The following ELAVL4 variants were observed in gnomAD, a reference collection of about 807,000 sequenced individuals.
ELAVL4 encodes the protein ELAV like RNA binding protein 4.
Under a neutral mutation model 35.6 loss-of-function variants are expected in ELAVL4, and 1 was observed. The ratio of observed to expected loss-of-function variants is 0.03; its 90% CI spans 0.01 to 0.13. ELAVL4 has a LOEUF of 0.13. Among genes scored for constraint, ELAVL4 ranks in the 10% least tolerant of loss-of-function variants. The probability of loss-of-function intolerance (pLI) is 1.00; values close to 1 mark genes in which losing one functional copy is unlikely to be tolerated. For synonymous variants in ELAVL4, 156 were observed against 171.0 expected (o/e 0.91, Z 0.69); for missense variants, 267 against 464.9 (o/e 0.57, Z 3.91).
At chr1:50,146,561 C>T (rs983164571) in intron 2 of ELAVL4, among the ~76,000 whole-genome samples, 1 of 151,850 alleles carries the variant, frequency 6.6e-6, no homozygotes, top group African/African-American at 2.4e-5. Flanking sequence ...GTGGCCAGAA[C>T]AGAAAAAAAA....
At chr1:50,089,894 C>T (rs748591722) in intron 1 of ELAVL4, among the ~76,000 whole-genome samples, 4 of 152,168 alleles carry the variant, frequency 2.6e-5, no homozygotes, top group South Asian at 2.1e-4. Context: ...GGAATACAGA[C>T]GGTTCCTAGG....
chr1:50,080,675 C>G (rs1026639213), intron 1 of ELAVL4, among the ~76,000 whole-genome samples: 9 of 152,120 alleles, frequency 5.9e-5, no homozygotes, highest in African/African-American at 2.2e-4. Flanking sequence ...TTGGGCATGT[C>G]GTTTCCTTTC....
intron 1 of ELAVL4, among the ~76,000 whole-genome samples, chr1:50,086,476 T>TTATATATATA (rs35215248): frequency 7.7e-4 from 111 of 144,402 alleles, no homozygotes; most frequent in East Asian, 5.4e-3. Flanking sequence ...CATTCAGCTT[T>TTATATATATA]TATATATATA....
intron 2 of ELAVL4, among the ~76,000 whole-genome samples, chr1:50,149,493 AG>A (rs1335591214): frequency 6.6e-6 from 1 of 151,930 alleles, no homozygotes; most frequent in African/African-American, 2.4e-5. Flanking sequence ...GATAAAAAAA[AG>A]AATTGTATTT....
intron 1 of ELAVL4, among the ~76,000 whole-genome samples, chr1:50,090,304 T>G (rs1665432204): frequency 6.6e-6 from 1 of 152,162 alleles, no homozygotes; most frequent in African/African-American, 2.4e-5. Flanking sequence ...CCTACCCCCT[T>G]CCTCTGCATT....
intron 2 of ELAVL4, among the ~76,000 whole-genome samples, chr1:50,176,138 T>G (rs1177847228): frequency 6.6e-6 from 1 of 152,238 alleles, no homozygotes; most frequent in South Asian, 2.1e-4. Context: ...AGCACATTAT[T>G]TTTATTTCAC....
upstream of ELAVL4, chr1:50,108,915 G>A (rs1666599779): frequency 9.1e-7 from 1 of 1,100,694 alleles, no homozygotes; most frequent in Non-Finnish European, 1.1e-6. Context: ...AAAAGGGGAA[G>A]CTTCGAGCCA....
chr1:50,130,057 G>A (rs913823947), intron 1 of ELAVL4, among the ~76,000 whole-genome samples: 1 of 152,064 alleles, frequency 6.6e-6, no homozygotes, highest in Non-Finnish European at 1.5e-5. Flanking sequence ...AACCCAAGTC[G>A]GATCACCTCC....
chr1:50,194,746 G>C (rs1643919427), intron 4 of ELAVL4, among the ~76,000 whole-genome samples: 1 of 152,182 alleles, frequency 6.6e-6, no homozygotes, highest in South Asian at 2.1e-4. Context: ...TCAGGAGAAG[G>C]TGTGCCATGC....
At chr1:50,090,784 C>T (rs146468461) in intron 1 of ELAVL4, among the ~76,000 whole-genome samples, 10 of 152,298 alleles carry the variant, frequency 6.6e-5, no homozygotes, top group Middle Eastern at 3.4e-3. Context: ...TGCATCACTT[C>T]CACCCACATT....
chr1:50,060,018 G>A (rs1254070296), intron 1 of ELAVL4, among the ~76,000 whole-genome samples: 5 of 152,090 alleles, frequency 3.3e-5, no homozygotes, highest in African/African-American at 1.2e-4. Flanking sequence ...ACTTGATAGA[G>A]GTCATGATTG....
intron 3 of ELAVL4, among the ~76,000 whole-genome samples, chr1:50,192,739 T>C (rs1682861160): frequency 6.6e-6 from 1 of 152,198 alleles, no homozygotes; most frequent in Non-Finnish European, 1.5e-5. Context: ...GAAATAGCTT[T>C]AGCAGGAAAG....
chr1:50,180,855 T>C (rs1029501411), intron 3 of ELAVL4: 2 of 152,158 alleles, frequency 1.3e-5, no homozygotes, highest in African/African-American at 4.8e-5. Context: ...GAGCTTGAAA[T>C]AATAATAATA....
chr1:50,142,352 A>T (rs1019916450), intron 1 of ELAVL4, among the ~76,000 whole-genome samples: 1 of 152,102 alleles, frequency 6.6e-6, no homozygotes, highest in Non-Finnish European at 1.5e-5. Flanking sequence ...GGTGTGCACC[A>T]CCACACACAC....
intron 1 of ELAVL4, among the ~76,000 whole-genome samples, chr1:50,082,759 T>C (rs1385010721): frequency 6.6e-6 from 1 of 152,188 alleles, no homozygotes; most frequent in Non-Finnish European, 1.5e-5. Flanking sequence ...ATACATGAGA[T>C]TGCTAGTAAG....
intron 1 of ELAVL4, among the ~76,000 whole-genome samples, chr1:50,115,449 T>C (rs1404901261): frequency 6.6e-6 from 1 of 152,136 alleles, no homozygotes; most frequent in Non-Finnish European, 1.5e-5. Flanking sequence ...AAAATATATA[T>C]GTCTTAGGTC....
At chr1:50,074,562 C>G (rs780616726) in intron 1 of ELAVL4, among the ~76,000 whole-genome samples, 29 of 152,116 alleles carry the variant, frequency 1.9e-4, no homozygotes, top group Non-Finnish European at 3.5e-4. Context: ...AAGAAAGGGA[C>G]CCAGTCTGTT....
intron 1 of ELAVL4, among the ~76,000 whole-genome samples, chr1:50,131,717 G>A (rs375732439): frequency 1.3e-5 from 2 of 152,040 alleles, no homozygotes; most frequent in Admixed American, 1.3e-4. Context: ...TTGAACCTAG[G>A]AGGCGGAGGT....
At chr1:50,093,251 G>GT (rs1350603392) in intron 1 of ELAVL4, among the ~76,000 whole-genome samples, 7 of 152,140 alleles carry the variant, frequency 4.6e-5, no homozygotes, top group African/African-American at 1.7e-4. Context: ...TTCTTATAAA[G>GT]TTTGGATATC....
Sources: gnomAD v4.1 joint callset for allele counts (sites outside exome capture counted in the v4.1 genomes callset) on GRCh38, gnomAD v4.1.1 for gene constraint, MANE v1.5 for transcripts, NCBI Gene and HGNC (gene_info 2026-07-23, HGNC 2026-07-21) for gene names.